PAPOLG: variants seen among roughly 807,000 people sequenced by gnomAD.
PAPOLG encodes poly(A) polymerase gamma.
A neutral mutation model predicts 99.0 loss-of-function variants in PAPOLG; 40 were observed. That is an observed-to-expected ratio of 0.40 (90% CI 0.31 to 0.53). The LOEUF (loss-of-function observed/expected upper bound fraction) is 0.53. PAPOLG is among the 20% of genes least tolerant of loss of function. PAPOLG has a pLI of 0.41. For synonymous variants in PAPOLG, 310 were observed against 299.3 expected, an observed-to-expected ratio of 1.04 and a Z score of -0.37; for missense variants, 675 against 884.1, an observed-to-expected ratio of 0.76 and a Z score of 3.00.
chr2:60,782,992 A>G (rs1297928064), intron 12 of PAPOLG, 164 bp from the exon 13 acceptor site: 1 of 496,926 alleles, frequency 2.0e-6, no homozygotes, highest in Admixed American at 6.4e-5. Context: ...TGTAGGACCT[A>G]GAATTAATTT....
chr2:60,786,312 C>G (rs1310898334), intron 13 of PAPOLG, among the ~76,000 whole-genome samples: 2 of 152,048 alleles, frequency 1.3e-5, no homozygotes, highest in Admixed American at 1.3e-4. Flanking sequence ...CTCACTGCAA[C>G]CTCCACCTCC....
intron 17 of PAPOLG, among the ~76,000 whole-genome samples, 193 bp from the exon 18 acceptor site, chr2:60,793,434 C>T (rs1234204545): frequency 1.3e-5 from 2 of 151,882 alleles, no homozygotes; most frequent in African/African-American, 4.8e-5. Flanking sequence ...TATGATGGCA[C>T]ACACCTATGT....
intron 19 of PAPOLG, 111 bp downstream of exon 19, chr2:60,794,302 A>C: frequency 1.8e-6 from 2 of 1,085,740 alleles, no homozygotes; most frequent in Non-Finnish European, 2.6e-6. Context: ...GCTGAAAAGA[A>C]TATTTACCCA....
chr2:60,786,573 G>C (rs998925802), intron 13 of PAPOLG, among the ~76,000 whole-genome samples: 1 of 151,350 alleles, frequency 6.6e-6, no homozygotes, highest in Non-Finnish European at 1.5e-5. Flanking sequence ...CTGTTGCCCA[G>C]GCTGGAGTGC....
In PAPOLG at chr2:60,768,526, C is replaced by T; in HGVS notation, c.303C>T (p.Ser101=). The change falls in exon 4 of 22, where the codon TCC becomes TCT. Residue 101 remains serine, a synonymous_variant. Transcript: ENST00000238714. ...GTGGTAAAATTTTCACATTTGGATC[C>T]TATAGGCTTGGAGTACACACCAAAG... is the stretch of plus-strand genomic sequence containing the variant. ...TVGGKIFTFG[S]YRLGVHTKGA... The T allele has an allele frequency of 6.2e-7, 1 of 1,612,586 alleles. No individual in the cohort carries two copies. The highest frequency in any genetic ancestry group is 1.1e-5 in the South Asian group (1 of 91,054).
chr2:60,778,243 C>T (rs920741621), intron 8 of PAPOLG, among the ~76,000 whole-genome samples: 1 of 152,144 alleles, frequency 6.6e-6, no homozygotes, highest in Non-Finnish European at 1.5e-5. Context: ...ACCTTCTGGG[C>T]CCAAGCGATC....
intron 3 of PAPOLG, among the ~76,000 whole-genome samples, chr2:60,765,887 A>G (rs1365968688): frequency 6.6e-6 from 1 of 152,194 alleles, no homozygotes; most frequent in Non-Finnish European, 1.5e-5. Context: ...AGGCTGAAGC[A>G]GGAAGATCTT....
intron 8 of PAPOLG, among the ~76,000 whole-genome samples, chr2:60,778,196 G>A (rs1208365853): frequency 6.6e-6 from 1 of 152,052 alleles, no homozygotes; most frequent in Non-Finnish European, 1.5e-5. Flanking sequence ...TCCCAGACCG[G>A]AATGCAGTGG....
intron 8 of PAPOLG, among the ~76,000 whole-genome samples, chr2:60,777,477 G>A (rs1355652402): frequency 6.6e-6 from 1 of 151,924 alleles, no homozygotes; most frequent in Admixed American, 6.6e-5. Context: ...TTTTTTTTCT[G>A]TCAGCAATAA....
intron 8 of PAPOLG, among the ~76,000 whole-genome samples, chr2:60,776,380 C>T (rs1291368563): frequency 1.4e-5 from 2 of 144,832 alleles, no homozygotes; most frequent in African/African-American, 2.6e-5. Context: ...TTCTTAAGGG[C>T]GCTGGGATTT....
chr2:60,798,594 A>G lies in PAPOLG; in HGVS notation c.*1434A>G, dbSNP rs1671780224. The G allele has an allele frequency of 6.6e-6, 1 of 152,378 alleles. No homozygotes were observed. The highest frequency in any genetic ancestry group is 2.4e-5 in the African/African-American group (1 of 41,464). 9.4% of individuals were successfully genotyped at this position (152,378 alleles called of 1,614,324 possible). ...CTACCACCTTCTTTAGATTTCACTC[A>G]GCATTTAGTAGGTCCAGTAGGAAAA... On this transcript the variant is annotated 3_prime_UTR_variant, in exon 22 of 22. Transcript: ENST00000238714.
chr2:60,767,757 G>A (rs1670724734), intron 3 of PAPOLG, among the ~76,000 whole-genome samples: 2 of 152,206 alleles, frequency 1.3e-5, no homozygotes, highest in South Asian at 4.1e-4. Flanking sequence ...AACTAAAGGG[G>A]ATATGGGATT....
At chr2:60,772,276 C>A (rs1670875742) in intron 7 of PAPOLG, among the ~76,000 whole-genome samples, 1 of 152,036 alleles carries the variant, frequency 6.6e-6, no homozygotes, top group African/African-American at 2.4e-5. Flanking sequence ...GAAACCCCAT[C>A]TCTACCAAAA....
chr2:60,758,333 T>G (rs77868977), intron 1 of PAPOLG, among the ~76,000 whole-genome samples: 3 of 146,708 alleles, frequency 2.0e-5, no homozygotes, highest in Non-Finnish European at 1.5e-5. Context: ...CTGGGGTTTT[T>G]TTTTTTTTTT....
intron 13 of PAPOLG, among the ~76,000 whole-genome samples, chr2:60,786,000 A>C (rs1405897804): frequency 1.3e-5 from 2 of 152,222 alleles, no homozygotes; most frequent in African/African-American, 4.8e-5. Flanking sequence ...TCTATTAAAA[A>C]AAAGAACACA....
chr2:60,776,418 ATTTTTTTTTTTTTTTTT>A (rs70959863), intron 8 of PAPOLG, among the ~76,000 whole-genome samples: 2 of 85,868 alleles, frequency 2.3e-5, no homozygotes, highest in Non-Finnish European at 4.6e-5. Flanking sequence ...CATTGGCTTC[ATTTTTTTTTTTTTTTTT>A]TTTTTTTTTT....
At chr2:60,780,052 A>G (rs1278650087) in intron 9 of PAPOLG, among the ~76,000 whole-genome samples, 2 of 152,202 alleles carry the variant, frequency 1.3e-5, no homozygotes, top group Non-Finnish European at 1.5e-5. Context: ...AGCTTTCCTC[A>G]TTTGTAAAAT....
At chr2:60,783,063 C>G in intron 12 of PAPOLG, 93 bp from the exon 13 acceptor site, 1 of 1,144,364 alleles carries the variant, frequency 8.7e-7, no homozygotes, top group South Asian at 1.9e-5. Context: ...CTCATTTGTT[C>G]AGTGAGAGGG....
intron 8 of PAPOLG, among the ~76,000 whole-genome samples, chr2:60,779,250 C>T (rs1671120941): frequency 6.6e-6 from 1 of 152,112 alleles, no homozygotes; most frequent in South Asian, 2.1e-4. Context: ...CATTCTTCCC[C>T]ATTGTCTCTC....
Sources: gnomAD v4.1 joint callset for allele counts (sites outside exome capture counted in the v4.1 genomes callset) on GRCh38, gnomAD v4.1.1 for gene constraint, MANE v1.5 for transcripts, NCBI Gene and HGNC (gene_info 2026-07-23, HGNC 2026-07-21) for gene names.